EIF4G3: variants seen among roughly 807,000 people sequenced by gnomAD.
EIF4G3 encodes eukaryotic translation initiation factor 4 gamma 3.
Under a neutral mutation model 186.4 loss-of-function variants are expected in EIF4G3, and 34 were observed. The ratio of observed to expected loss-of-function variants is 0.18; its 90% confidence interval spans 0.14 to 0.24. The LOEUF (loss-of-function observed/expected upper bound fraction) is 0.24, where lower values mean the gene tolerates loss of function less well. Among genes scored for constraint, EIF4G3 ranks in the 10% least tolerant of loss-of-function variants. The pLI is 1.00. For missense variants in EIF4G3, 1,536 were observed against 1,948.5 expected (o/e 0.79, Z 3.99); for synonymous variants, 673 against 679.5 (o/e 0.99, Z 0.15).
At chr1:21,152,871 T>A (rs1313275010) in intron 2 of EIF4G3, among the ~76,000 whole-genome samples, 3 of 152,190 alleles carry the variant, frequency 2.0e-5, no homozygotes, top group Non-Finnish European at 4.4e-5. Flanking sequence ...TCTGTCATCC[T>A]AGCAACTCAA....
At chr1:21,031,895 T>A (rs1467918026) in intron 4 of EIF4G3, among the ~76,000 whole-genome samples, 1 of 152,210 alleles carries the variant, frequency 6.6e-6, no homozygotes, top group African/African-American at 2.4e-5. Context: ...ATAATAACTT[T>A]GTGTGGTGGT....
intron 3 of EIF4G3, among the ~76,000 whole-genome samples, chr1:21,056,325 C>A (rs1179015794): frequency 6.6e-6 from 1 of 152,126 alleles, no homozygotes; most frequent in Non-Finnish European, 1.5e-5. Context: ...CAGGCTGTTA[C>A]ATATAATAAA....
intron 3 of EIF4G3, among the ~76,000 whole-genome samples, chr1:21,075,322 A>G (rs2095552970): frequency 6.6e-6 from 1 of 152,090 alleles, no homozygotes; most frequent in African/African-American, 2.4e-5. Flanking sequence ...TAATCCCAGC[A>G]CTTTGGAAGG....
intron 2 of EIF4G3, among the ~76,000 whole-genome samples, chr1:21,112,172 A>G (rs933909830): frequency 6.6e-5 from 10 of 152,236 alleles, no homozygotes; most frequent in Non-Finnish European, 1.3e-4. Flanking sequence ...ATAAAATATT[A>G]GCTACCACCA....
chr1:20,911,339 G>A (rs1434916270), intron 14 of EIF4G3, among the ~76,000 whole-genome samples: 2 of 152,072 alleles, frequency 1.3e-5, no homozygotes, highest in East Asian at 1.9e-4. Context: ...AGGCTGAGGA[G>A]GGAAGACTGC....
chr1:21,123,672 A>T (rs2102391266), intron 2 of EIF4G3, among the ~76,000 whole-genome samples: 1 of 152,344 alleles, frequency 6.6e-6, no homozygotes, highest in African/African-American at 2.4e-5. Flanking sequence ...AAGGGAAGTG[A>T]GTGGCAGGAA....
At chr1:20,814,963 T>G (rs2060191598) in intron 34 of EIF4G3, among the ~76,000 whole-genome samples, 1 of 78,478 alleles carries the variant, frequency 1.3e-5, no homozygotes, top group Non-Finnish European at 2.6e-5. Flanking sequence ...TCGTTTTTTT[T>G]TGGTGGAGAC....
At chr1:21,018,302 C>A (rs2089780279) in intron 4 of EIF4G3, among the ~76,000 whole-genome samples, 1 of 152,050 alleles carries the variant, frequency 6.6e-6, no homozygotes, top group African/African-American at 2.4e-5. Context: ...TTAAGGTGAG[C>A]CGGGCACAGT....
intron 3 of EIF4G3, among the ~76,000 whole-genome samples, chr1:21,063,315 GAAC>G (rs1308836224): frequency 2.0e-5 from 3 of 152,110 alleles, no homozygotes; most frequent in Admixed American, 1.3e-4. Flanking sequence ...TACACTTTGA[GAAC>G]AACAAGGGTT....
chr1:21,152,969 G>C (rs2097576258), intron 2 of EIF4G3, among the ~76,000 whole-genome samples: 1 of 152,164 alleles, frequency 6.6e-6, no homozygotes, highest in Non-Finnish European at 1.5e-5. Context: ...CTGCACTCCA[G>C]CCTGGGAAAC....
chr1:20,991,994 T>C (rs1427724363), intron 7 of EIF4G3, among the ~76,000 whole-genome samples: 1 of 152,224 alleles, frequency 6.6e-6, no homozygotes, highest in Non-Finnish European at 1.5e-5. Flanking sequence ...TTTATTAGCA[T>C]ATTTTACCCA....
At chr1:20,975,416 T>A (rs1327408456) in intron 10 of EIF4G3, among the ~76,000 whole-genome samples, 2 of 150,970 alleles carry the variant, frequency 1.3e-5, no homozygotes, top group Non-Finnish European at 2.9e-5. Flanking sequence ...ATTCTTCTCA[T>A]GAAACATTTT....
At chr1:21,032,041 G>T (rs907250776) in intron 4 of EIF4G3, among the ~76,000 whole-genome samples, 1 of 152,074 alleles carries the variant, frequency 6.6e-6, no homozygotes, top group Non-Finnish European at 1.5e-5. Context: ...GGAAGAAAAC[G>T]TATTCAATAA....
intron 2 of EIF4G3, among the ~76,000 whole-genome samples, chr1:21,106,718 A>C (rs2096624574): frequency 6.6e-6 from 1 of 152,204 alleles, no homozygotes; most frequent in Non-Finnish European, 1.5e-5. Context: ...ATAGCATTTA[A>C]TGCCAAAAAA....
intron 2 of EIF4G3, among the ~76,000 whole-genome samples, chr1:21,099,779 G>A (rs1483920304): frequency 1.3e-5 from 2 of 152,154 alleles, no homozygotes; most frequent in African/African-American, 4.8e-5. Flanking sequence ...TCAGAACTTA[G>A]AAACTATATA....
At chr1:20,969,703 A>C in intron 11 of EIF4G3, 107 bp from the exon 12 acceptor site, 2 of 1,031,596 alleles carry the variant, frequency 1.9e-6, no homozygotes, top group Non-Finnish European at 2.8e-6. Flanking sequence ...GTCAAATATC[A>C]AAGGTGATAA....
intron 12 of EIF4G3, among the ~76,000 whole-genome samples, chr1:20,953,535 G>A (rs560999112): frequency 9.9e-5 from 15 of 152,204 alleles, no homozygotes; most frequent in African/African-American, 3.1e-4. Context: ...AAAACATAAT[G>A]TTTACCTATT....
chr1:21,098,540 GAAAAAAAAAAAA>G (rs59544256), intron 2 of EIF4G3, among the ~76,000 whole-genome samples: 1 of 72,720 alleles, frequency 1.4e-5, no homozygotes, highest in East Asian at 5.0e-4. Flanking sequence ...GCCCTGTCTC[GAAAAAAAAAAAA>G]AAAAAAAAAA....
intron 3 of EIF4G3, among the ~76,000 whole-genome samples, chr1:21,087,435 C>A (rs1423015079): frequency 6.6e-6 from 1 of 152,120 alleles, no homozygotes; most frequent in Non-Finnish European, 1.5e-5. Context: ...CCAGCCTGCT[C>A]AACCAAGTAA....
Sources: gnomAD v4.1 joint callset for allele counts (sites outside exome capture counted in the v4.1 genomes callset) on GRCh38, gnomAD v4.1.1 for gene constraint, MANE v1.5 for transcripts, NCBI Gene and HGNC (gene_info 2026-07-23, HGNC 2026-07-21) for gene names.